CPSF1: variants seen among roughly 807,000 people sequenced by gnomAD.
CPSF1 encodes the protein cleavage and polyadenylation specificity factor subunit 1.
Under a neutral mutation model 175.8 loss-of-function variants are expected in CPSF1, and 106 were observed. That is an observed-to-expected ratio of 0.60 (90% confidence interval 0.52 to 0.71). The LOEUF is 0.71. Among genes scored for constraint, CPSF1 ranks in the 30% least tolerant of loss-of-function variants. CPSF1 has a pLI of 0.00. For missense variants in CPSF1, 1,734 were observed against 2,022.9 expected (o/e 0.86, Z 2.74); for synonymous variants, 1,024 against 858.3 (o/e 1.19, Z -3.37).
chr8:144,399,756 G>T lies in CPSF1; in HGVS notation c.1119+25C>A. On this transcript the variant is annotated intron_variant, in intron 11 of 37. Coordinates refer to ENST00000616140, the MANE Select transcript of CPSF1 (RefSeq NM_013291.3). This position sits in a 1 kb window ranked among gnomAD's most constrained non-coding sequence, Gnocchi z 6.4. ...GATGGCTGGGCCGGGTCTGGACCCA[G>T]ACCCAACCCCTAGTCCCAACTCACG... The T allele has an allele frequency of 6.3e-7, 1 of 1,593,202 alleles. No individual in the cohort carries two copies. The highest frequency in any genetic ancestry group is 1.1e-5 in the South Asian group (1 of 88,042).
At position 144,393,726 on chromosome 8, in the gene CPSF1, C is replaced by G. The variant is rs782731679; in HGVS notation, c.4086G>C (p.Leu1362=). 6.4e-7 allele frequency: 1 copy of G among 1,572,822 alleles called. No homozygotes were observed. Among genetic ancestry groups the G allele is most frequent in the South Asian group, 1.1e-5 (1 of 87,314 alleles). ...QEKTYRRLLM[L]QNALTTMLPH... ...GCAGCATGGTGGTCAGCGCGTTCTG[C>G]AGCATCAGCAGCCGCCGGTAGGTCT... The change falls in exon 36 of 38, where the codon CTG becomes CTC. Residue 1362 remains leucine (L), a synonymous_variant. Transcript: ENST00000616140.
intron 2 of CPSF1, 48 bp downstream of exon 2, chr8:144,408,967 A>G: frequency 1.3e-6 from 2 of 1,598,310 alleles, no homozygotes; most frequent in Admixed American, 3.5e-5. Flanking sequence ...GGGCGGTGAG[A>G]GCACCCACGT....
chr8:144,394,326 G>A (rs782115273), intron 32 of CPSF1, 26 bp from the exon 33 acceptor site: 20 of 1,585,120 alleles, frequency 1.3e-5, no homozygotes, highest in Non-Finnish European at 1.5e-5. Context: ...GGGCGTCAGA[G>A]GTGCCTTGGG....
rs2116913524 is a variant in CPSF1, at chr8:144,409,160, G to A, written c.-2C>T. 1.2e-6 allele frequency: 2 copies of A among 1,607,420 alleles called. No homozygotes were observed. Among genetic ancestry groups the A allele is most frequent in the Admixed American group, 1.7e-5 (1 of 59,208 alleles). On this transcript the variant is annotated 5_prime_UTR_variant, in exon 2 of 38. Transcript: ENST00000616140. ...CGCCTGTTTGTACACGGCGTACATG[G>A]CGCCAACCCGGGCTGCGCAAGGCCG...
chr8:144,408,929 G>C (rs782118915), intron 2 of CPSF1, 86 bp downstream of exon 2: 5 of 1,502,132 alleles, frequency 3.3e-6, no homozygotes, highest in Non-Finnish European at 4.5e-6. Context: ...CAACTTGTCT[G>C]GGGCTTGGCT....
rs782382567 is a variant in CPSF1 at position 144,394,697 on chromosome 8, C to T, written c.3514G>A (p.Val1172Met). 1.4e-5 allele frequency: 22 copies of T among 1,612,690 alleles called. No individual in the cohort carries two copies. The highest frequency in any genetic ancestry group is 1.9e-5 in the Non-Finnish European group (22 of 1,179,704). ...CCATTGCAGTGGCACAGGGCGGTCA[C>T]GGGCCCCTTCTGCTCCTTCTCGTAA... Reference protein sequence around the residue: ...VLYEKEQKGPVTALCHCNGHL... With the variant: ...VLYEKEQKGPMTALCHCNGHL... The change falls in exon 31 of 38, where the codon GTG becomes ATG. Residue 1172 changes from valine to methionine, a missense_variant. By Grantham distance (21) the Val-to-Met change is conservative. Transcript: ENST00000616140.
chr8:144,393,982 C>T lies in CPSF1; in HGVS notation c.3916G>A (p.Ala1306Thr), dbSNP rs557683150. 1 of 1,613,572 alleles carries T rather than the reference C, an allele frequency of 6.2e-7. No individual in the cohort carries two copies. Among genetic ancestry groups the T allele is most frequent in the African/African-American group, 1.3e-5 (1 of 75,058 alleles). ...GTCCTCCAGAACGTGTTCACGTGGG[C>T]ACCCACGTGGAAGTCTGCCCGACGC... ...LLRRADFHVGAHVNTFWRTPC... is the reference protein window; with the variant it reads ...LLRRADFHVGTHVNTFWRTPC... Residue 1306 changes from alanine (A) to threonine (T), a missense_variant, in exon 35 of 38, where the codon GCC becomes ACC. By Grantham distance (58) the Ala-to-Thr change is moderately conservative (BLOSUM62 0). Around this residue, in one of 10 missense-constraint regions of CPSF1, gnomAD observed 323 missense variants for 338.5 expected, o/e 0.95. Transcript: ENST00000616140.
At chr8:144,402,705 G>A (rs2116892496) in intron 2 of CPSF1, among the ~76,000 whole-genome samples, 29 of 152,206 alleles carry the variant, frequency 1.9e-4, no homozygotes, top group Middle Eastern at 3.4e-3. Flanking sequence ...CAGCGACAAG[G>A]GCAACTCCAG....
rs1554863432 is a variant in CPSF1, at chr8:144,395,510, A to G, written c.3021T>C (p.Tyr1007=). 7.1e-7 allele frequency: 1 copy of G among 1,412,988 alleles called. No homozygotes were observed. Among genetic ancestry groups the G allele is most frequent in the Admixed American group, 1.9e-5 (1 of 53,568 alleles). 87.5% of individuals were successfully genotyped at this position (1,412,988 alleles called of 1,614,324 possible). A position where few individuals can be genotyped will look rare whatever the true frequency, so the allele number is the denominator to read the frequency against. ...RISVLPAYLS[Y]DAPWPVRKIP... ...TCTTCCTGACAGGCCATGGGGCATC[A>G]TAGGACAGGTAGGCAGGCAGGACAC... The change falls in exon 27 of 38, where the codon TAT becomes TAC. Residue 1007 remains tyrosine (Y), a synonymous_variant. Transcript: ENST00000616140.
chr8:144,409,073 T>C lies in CPSF1; in HGVS notation c.86A>G (p.Asn29Ser), dbSNP rs1554869986. 1.2e-6 allele frequency: 2 copies of C among 1,613,726 alleles called. No individual in the cohort carries two copies. The highest frequency in any genetic ancestry group is 1.3e-5 in the African/African-American group (1 of 74,944). Residue 29 changes from asparagine (N) to serine (S), a missense_variant, in exon 2 of 38, where the codon AAC becomes AGC. This residue lies in a region of CPSF1 where 126 missense variants were observed against 117.9 expected (regional missense o/e 1.07). Coordinates refer to ENST00000616140, the MANE Select transcript of CPSF1 (RefSeq NM_013291.3). The part of the protein sequence containing the change: ...YCNFFNNSER[N>S]LVVAGTSQLY... The stretch of plus-strand genomic sequence containing the variant: ...CTGCGAGGTCCCGGCCACTACCAGG[T>C]TGCGCTCGCTGTTGTTGAAGAAGTT...
At position 144,398,834 on chromosome 8, in the gene CPSF1, T is replaced by C; in HGVS notation, c.1583A>G (p.Glu528Gly). The stretch of plus-strand genomic sequence containing the variant: ...CCACATGTCATAGCAGCCGGGAAGC[T>C]CAAAGGTTGTCACCACCTGGGGCCG... ...SIRPQVVTTF[E>G]LPGCYDMWTV... Residue 528 changes from glutamate to glycine, a missense_variant, in exon 17 of 38, where the codon GAG becomes GGG. This residue lies in a region of CPSF1 where 280 missense variants were observed against 349.2 expected (regional missense o/e 0.80). Coordinates refer to ENST00000616140, the MANE Select transcript of CPSF1 (RefSeq NM_013291.3). 6.2e-7 allele frequency: 1 copy of C among 1,609,448 alleles called. No individual in the cohort carries two copies. Among genetic ancestry groups the C allele is most frequent in the Non-Finnish European group, 8.5e-7 (1 of 1,176,856 alleles).
Position 144,399,078 on chromosome 8 carries a change from C to A in CPSF1, c.1468-40G>T, listed in dbSNP as rs2116858169. 7.1e-6 allele frequency: 11 copies of A among 1,547,198 alleles called. No homozygotes were observed. The highest frequency in any genetic ancestry group is 2.0e-4 in the Middle Eastern group (1 of 5,042). ...GGGGTGAGGACTATGCCCCCCACCC[C>A]CCCTCACACTCCAGCCCCTGCCCCC... On this transcript the variant is annotated intron_variant, in intron 15 of 37. Transcript: ENST00000616140. The surrounding 1 kb of genome is among the most constrained non-coding windows in gnomAD (Gnocchi z 6.4).
chr8:144,395,460 T>A lies in CPSF1; in HGVS notation c.3071A>T (p.Tyr1024Phe). 2 of 1,611,512 alleles carry A rather than the reference T, an allele frequency of 1.2e-6. No individual in the cohort carries two copies. The highest frequency in any genetic ancestry group is 1.7e-6 in the Non-Finnish European group (2 of 1,179,396). The change falls in exon 27 of 38, where the codon TAT (tyrosine) becomes TTT (phenylalanine). Residue 1024 changes from tyrosine to phenylalanine, a missense_variant. Physicochemically the swap from Tyr to Phe is conservative, Grantham distance 22 (BLOSUM62 3). This residue lies in a region of CPSF1 where 585 missense variants were observed against 584.7 expected (regional missense o/e 1.00). Transcript: ENST00000616140. Reference protein sequence around the residue: ...RKIPLRCTAHYVAYHVESKVY... With the variant: ...RKIPLRCTAHFVAYHVESKVY... ...CTTAGACTCCACGTGGTAAGCCACA[T>A]AGTGGGCCGTGCAGCGCAGCGGGAT...
At position 144,399,584 on chromosome 8, in the gene CPSF1, C is replaced by T. The variant is rs2116864315; in HGVS notation, c.1242+4G>A. 4.3e-6 allele frequency: 7 copies of T among 1,610,586 alleles called. No individual in the cohort carries two copies. In the South Asian group the frequency reaches 7.7e-5, roughly 18 times the overall value. ...TGGTGGCCCAATGGGCCCAGGAAACCCACCTTGTCGGCAGCCTCACGGACA... is the reference window on the plus strand; with the variant it reads ...TGGTGGCCCAATGGGCCCAGGAAACTCACCTTGTCGGCAGCCTCACGGACA... On this transcript the variant is annotated splice_donor_region_variant and intron_variant, in intron 12 of 37. Coordinates refer to ENST00000616140, the MANE Select transcript of CPSF1 (RefSeq NM_013291.3). This position sits in a 1 kb window ranked among gnomAD's most constrained non-coding sequence, Gnocchi z 6.4.
chr8:144,396,206 C>T, intron 26 of CPSF1, 142 bp downstream of exon 26: 1 of 887,584 alleles, frequency 1.1e-6, no homozygotes. Context: ...GTTCCACCTC[C>T]TCGACCTCAA....
intron 2 of CPSF1, among the ~76,000 whole-genome samples, chr8:144,405,420 C>T (rs2116901843): frequency 2.0e-5 from 3 of 152,256 alleles, no homozygotes; most frequent in East Asian, 1.9e-4. Context: ...GTCAGGAGTT[C>T]GAGACCAGCC....
chr8:144,398,758 C>T, intron 17 of CPSF1, 21 bp downstream of exon 17: 1 of 1,590,584 alleles, frequency 6.3e-7, no homozygotes, highest in East Asian at 2.2e-5. Flanking sequence ...CAGGGCCTCC[C>T]TGCAGCAGGC....
In CPSF1 at chr8:144,396,900, G is replaced by A. The variant is rs376917031; in HGVS notation, c.2622C>T (p.Tyr874=). ...LVHVDQELLI[Y]EAFPHDSQLG... Reference sequence around the variant, plus strand: ...GCTGAGAGTCGTGGGGGAAGGCCTCGTAGATAAGCAGCTCTTGGTCCACAT... The same window carrying A: ...GCTGAGAGTCGTGGGGGAAGGCCTCATAGATAAGCAGCTCTTGGTCCACAT... Residue 874 remains tyrosine (Y), a synonymous_variant, in exon 24 of 38, where the codon TAC becomes TAT. Coordinates refer to ENST00000616140, the MANE Select transcript of CPSF1 (RefSeq NM_013291.3). 31 of 1,613,702 alleles carry A rather than the reference G, an allele frequency of 1.9e-5. No individual in the cohort carries two copies. The highest frequency in any genetic ancestry group is 1.5e-4 in the South Asian group (14 of 91,046).
intron 9 of CPSF1, 31 bp downstream of exon 9, chr8:144,400,135 G>GGGCCCCCCCCCCCCCCC: frequency 2.1e-4 from 189 of 895,590 alleles, no homozygotes; most frequent in Middle Eastern, 3.7e-4. Flanking sequence ...CCGTCCCCGG[G>GGGCCCCCCCCCCCCCCC]CCCCCCCCGC....
Sources: allele counts gnomAD v4.1 joint callset (sites outside exome capture counted in the v4.1 genomes callset), GRCh38; gene constraint gnomAD v4.1.1; regional missense constraint gnomAD v4.1.1; non-coding constraint Gnocchi (gnomAD v3.1); transcripts MANE v1.5; gene names NCBI Gene and HGNC (gene_info 2026-07-23, HGNC 2026-07-21).